The following SEMA3F variants were observed in gnomAD, a reference collection of about 807,000 sequenced individuals.
SEMA3F encodes the protein semaphorin-3F.
SEMA3F carries 30 observed loss-of-function variants against 98.5 expected under a neutral mutation model. The observed-to-expected ratio is 0.30, with a 90% CI of 0.23 to 0.41. The LOEUF is 0.41. Among genes scored for constraint, SEMA3F ranks in the 10% least tolerant of loss-of-function variants. The probability of loss-of-function intolerance (pLI) is 1.00; values close to 1 mark genes in which losing one functional copy is unlikely to be tolerated. For missense variants in SEMA3F, 866 were observed against 1,119.3 expected, an observed-to-expected ratio of 0.77 and a Z score of 3.23; for synonymous variants, 380 against 444.8, an observed-to-expected ratio of 0.85 and a Z score of 1.83.
At chr3:50,157,009 G>T (rs1013028910) in intron 1 of SEMA3F, among the ~76,000 whole-genome samples, 1 of 152,036 alleles carries the variant, frequency 6.6e-6, no homozygotes, top group Non-Finnish European at 1.5e-5. Flanking sequence ...TTGTTGAAGT[G>T]GGGGAGGGAA....
At chr3:50,170,233 T>A (rs1460100820) in intron 2 of SEMA3F, among the ~76,000 whole-genome samples, 3 of 152,062 alleles carry the variant, frequency 2.0e-5, no homozygotes, top group Non-Finnish European at 2.9e-5. Context: ...CCACCTTGGT[T>A]CCCCTCTGGT....
At position 50,159,723 on chromosome 3, in the gene SEMA3F, T is replaced by C; in HGVS notation, c.101T>C (p.Leu34Pro). The change falls in exon 2 of 19, where the codon CTC becomes CCC. Residue 34 changes from leucine (L) to proline (P), a missense_variant. By Grantham distance (98) the Leu-to-Pro change is moderately conservative. This residue lies in a region of SEMA3F where 247 missense variants were observed against 276.0 expected (regional missense o/e 0.89). Coordinates refer to ENST00000002829, the MANE Select transcript of SEMA3F (RefSeq NM_004186.5). ...CTCCCGGCCACGCCCCGGGTCCGGC[T>C]CTCATTCAAAGGTAAGAAGCTGTTT... ...DHLPATPRVR[L>P]SFKELKATGT... 6.2e-7 allele frequency: 1 copy of C among 1,608,048 alleles called. No homozygotes were observed. Among genetic ancestry groups the C allele is most frequent in the Non-Finnish European group, 8.5e-7 (1 of 1,175,362 alleles).
chr3:50,184,551 G>T, intron 12 of SEMA3F, 41 bp from the exon 13 acceptor site: 1 of 1,526,224 alleles, frequency 6.6e-7, no homozygotes, highest in Non-Finnish European at 9.0e-7. Context: ...AGCCTGCCCT[G>T]CCCAGGCAGC....
rs1698004757 is a variant in SEMA3F at position 50,156,816 on chromosome 3, C to G, written c.-49+1252C>G. On this transcript the variant is annotated intron_variant, in intron 1 of 18. Coordinates refer to ENST00000002829, the MANE Select transcript of SEMA3F (RefSeq NM_004186.5). This position sits in a 1 kb window ranked among gnomAD's most constrained non-coding sequence, Gnocchi z 4.5. Reference sequence around the variant, plus strand: ...GAGAAGGCGGCAGCCCACCCAGCCTCAGCCCCTCGCTGCTCAGCATACCTT... The same window carrying G: ...GAGAAGGCGGCAGCCCACCCAGCCTGAGCCCCTCGCTGCTCAGCATACCTT... Among the ~76,000 whole-genome samples, 2 of 152,200 alleles carry G rather than the reference C, an allele frequency of 1.3e-5. No homozygotes were observed. Among genetic ancestry groups the G allele is most frequent in the Non-Finnish European group, 2.9e-5 (2 of 68,038 alleles).
At position 50,188,213 on chromosome 3, in the gene SEMA3F, C is replaced by G; in HGVS notation, c.*98C>G. The stretch of plus-strand genomic sequence containing the variant: ...TATATATATATAAAATATCTATATT[C>G]TATACACACCCTGCCCCTGCAAAGA... On this transcript the variant is annotated 3_prime_UTR_variant, in exon 19 of 19. Transcript: ENST00000002829. This position sits in a 1 kb window ranked among gnomAD's most constrained non-coding sequence, Gnocchi z 4.5. 2 of 410,216 alleles carry G rather than the reference C, an allele frequency of 4.9e-6. No homozygotes were observed. The highest frequency in any genetic ancestry group is 7.3e-6 in the Non-Finnish European group (2 of 273,474). 25.4% of individuals were successfully genotyped at this position (410,216 alleles called of 1,614,324 possible). A position where few individuals can be genotyped will look rare whatever the true frequency, so the allele number is the denominator to read the frequency against.
intron 2 of SEMA3F, among the ~76,000 whole-genome samples, chr3:50,163,975 G>A (rs1169323562): frequency 6.6e-6 from 1 of 152,232 alleles, no homozygotes; most frequent in Non-Finnish European, 1.5e-5. Context: ...GAGAGACTTG[G>A]AAGTGGCCGC....
In SEMA3F at chr3:50,166,038, A is replaced by T. The variant is rs1044080588; in HGVS notation, c.112+6304A>T. 5.9e-5 allele frequency among the ~76,000 whole-genome samples: 9 copies of T among 152,138 alleles called. No individual in the cohort carries two copies. Among genetic ancestry groups the T allele is most frequent in the African/African-American group, 2.2e-4 (9 of 41,424 alleles). On this transcript the variant is annotated intron_variant, in intron 2 of 18. Transcript: ENST00000002829. The surrounding 1 kb of genome is among the most constrained non-coding windows in gnomAD (Gnocchi z 4.7). ...TGCAGGGCAAAGACAGACCCAAAGC[A>T]ACCGGCCCCTCCAGGGATCAGGAAG...
intron 5 of SEMA3F, among the ~76,000 whole-genome samples, chr3:50,174,843 C>T (rs1249440287): frequency 2.0e-5 from 3 of 152,204 alleles, no homozygotes; most frequent in Non-Finnish European, 2.9e-5. Context: ...TTTTCCATTT[C>T]CATGTGGGCA....
intron 6 of SEMA3F, among the ~76,000 whole-genome samples, chr3:50,175,574 A>G (rs994699781): frequency 1.3e-5 from 2 of 152,176 alleles, no homozygotes; most frequent in African/African-American, 4.8e-5. Flanking sequence ...CCTTACTCCC[A>G]GGTGTTCGTG....
At position 50,182,681 on chromosome 3, in the gene SEMA3F, T is replaced by C. The variant is rs2109112492; in HGVS notation, c.801T>C (p.Ser267=). The C allele has an allele frequency of 6.2e-7, 1 of 1,613,718 alleles. No individual in the cohort carries two copies. The highest frequency in any genetic ancestry group is 8.5e-7 in the Non-Finnish European group (1 of 1,180,014). Residue 267 remains serine (S), a synonymous_variant, in exon 9 of 19, where the codon AGT becomes AGC. Coordinates refer to ENST00000002829, the MANE Select transcript of SEMA3F (RefSeq NM_004186.5). This position sits in a 1 kb window ranked among gnomAD's most constrained non-coding sequence, Gnocchi z 4.5. ...TCCATGCTGAGCTCATTCCTGACAG[T>C]GCGGAGCGCAATGATGATAAGCTTT... ...SFIHAELIPD[S]AERNDDKLYF...
chr3:50,177,964 G>A (rs780584632), intron 7 of SEMA3F, among the ~76,000 whole-genome samples: 6 of 151,742 alleles, frequency 4.0e-5, no homozygotes, highest in Admixed American at 6.6e-5. Context: ...AAAACTAGCC[G>A]GGTGCGGTGG....
intron 7 of SEMA3F, among the ~76,000 whole-genome samples, chr3:50,178,734 A>G (rs542804686): frequency 0.011 from 1,678 of 151,956 alleles, 41 homozygotes; most frequent in African/African-American, 0.037. Context: ...AAAAAAAAAA[A>G]ATCGGTAAAC....
chr3:50,163,685 C>A (rs1053369487), intron 2 of SEMA3F, among the ~76,000 whole-genome samples: 2 of 152,170 alleles, frequency 1.3e-5, no homozygotes, highest in Non-Finnish European at 2.9e-5. Context: ...CCCCCAGGGG[C>A]TCCTTGGCCA....
In SEMA3F at chr3:50,171,219, G is replaced by A. The variant is rs189594614; in HGVS notation, c.113-2574G>A. On this transcript the variant is annotated intron_variant, in intron 2 of 18. Transcript: ENST00000002829. ...GTCGAGGCCAATCCTCTGCCCCTAA[G>A]CTGGGACTCAGTTTCCTCATCCTCT... 3.7e-3 allele frequency among the ~76,000 whole-genome samples: 564 copies of A among 152,306 alleles called. 3 individuals carry two copies. Among genetic ancestry groups the A allele is most frequent in the African/African-American group, 0.013 (542 of 41,568 alleles).
rs931204756 is a variant in SEMA3F at position 50,187,758 on chromosome 3, A to G, written c.2001A>G (p.Ala667=). The G allele has an allele frequency of 1.9e-6, 3 of 1,613,108 alleles. No homozygotes were observed. The highest frequency in any genetic ancestry group is 2.5e-6 in the Non-Finnish European group (3 of 1,179,806). The part of the protein sequence containing the change: ...LRTEQGLLLR[A]LQLSDRGLYS... ...CAGAGCAGGGCTTGTTGCTCCGTGCACTGCAGCTCAGCGATCGTGGCCTCT... is the reference window on the plus strand; with the variant it reads ...CAGAGCAGGGCTTGTTGCTCCGTGCGCTGCAGCTCAGCGATCGTGGCCTCT... Residue 667 remains alanine (A), a synonymous_variant, in exon 19 of 19, where the codon GCA becomes GCG. Coordinates refer to ENST00000002829, the MANE Select transcript of SEMA3F (RefSeq NM_004186.5).
At chr3:50,177,449 G>A (rs567434837) in intron 7 of SEMA3F, among the ~76,000 whole-genome samples, 38 of 152,186 alleles carry the variant, frequency 2.5e-4, no homozygotes, top group Non-Finnish European at 4.6e-4. Flanking sequence ...GCTCATGCAC[G>A]CTGCCTGTTT....
rs994068509 is a variant in SEMA3F, at chr3:50,166,738, G to A, written c.112+7004G>A. On this transcript the variant is annotated intron_variant, in intron 2 of 18. Transcript: ENST00000002829. The surrounding 1 kb of genome is among the most constrained non-coding windows in gnomAD (Gnocchi z 4.7). The stretch of plus-strand genomic sequence containing the variant: ...GGGGCTGGGCCCAGGGGAGGGGGAG[G>A]GTTTTGACACCCACCAGCCTGTTGG... Among the ~76,000 whole-genome samples, 4 of 152,318 alleles carry A rather than the reference G, an allele frequency of 2.6e-5. No homozygotes were observed. The highest frequency in any genetic ancestry group is 7.2e-5 in the African/African-American group (3 of 41,570).
chr3:50,187,881 AC>A lies in SEMA3F; in HGVS notation c.2126del (p.Pro709HisfsTer4). On this transcript the variant is annotated frameshift_variant, in exon 19 of 19. Transcript: ENST00000002829. LOFTEE classifies it high-confidence loss of function. ...ACGCCGTCCATGCTGCCCTCTTCCC[AC>A]CACTGTCCATGAGCGCCCCGCCACC... ...RDAVHAALFP[P>X]LSMSAPPPPG... is the part of the protein sequence containing the mutation. The A allele has an allele frequency of 6.2e-7, 1 of 1,611,586 alleles. No individual in the cohort carries two copies. The highest frequency in any genetic ancestry group is 8.5e-7 in the Non-Finnish European group (1 of 1,178,988).
intron 12 of SEMA3F, 97 bp downstream of exon 12, chr3:50,183,661 C>G: frequency 7.4e-7 from 1 of 1,348,718 alleles, no homozygotes; most frequent in Non-Finnish European, 1.0e-6. Flanking sequence ...TCATGGCCCT[C>G]CCAGCCAGCG....
Sources: allele counts gnomAD v4.1 joint callset (sites outside exome capture counted in the v4.1 genomes callset), GRCh38; gene constraint gnomAD v4.1.1; regional missense constraint gnomAD v4.1.1; non-coding constraint Gnocchi (gnomAD v3.1); transcripts MANE v1.5; gene names NCBI Gene and HGNC (gene_info 2026-07-23, HGNC 2026-07-21).